The following RIMKLB variants were observed in gnomAD, a reference collection of about 807,000 sequenced individuals.
RIMKLB encodes the protein beta-citrylglutamate synthase B.
RIMKLB carries 7 observed loss-of-function variants against 32.0 expected under a neutral mutation model. That is an observed-to-expected ratio of 0.22 (90% CI 0.12 to 0.41). The LOEUF is 0.41. Among genes scored for constraint, RIMKLB ranks in the 10% least tolerant of loss-of-function variants. The pLI is 1.00. For missense variants in RIMKLB, 289 were observed against 498.7 expected, an observed-to-expected ratio of 0.58 and a Z score of 4.00; for synonymous variants, 172 against 185.1, an observed-to-expected ratio of 0.93 and a Z score of 0.57.
intron 5 of RIMKLB, among the ~76,000 whole-genome samples, chr12:8,768,255 C>T (rs1188996864): frequency 2.0e-5 from 3 of 152,208 alleles, no homozygotes; most frequent in Non-Finnish European, 4.4e-5. Flanking sequence ...ATGGGTGCCT[C>T]ACTGGATCAG....
intron 2 of RIMKLB, among the ~76,000 whole-genome samples, chr12:8,720,877 G>C (rs534256514): frequency 3.0e-4 from 46 of 152,172 alleles, no homozygotes; most frequent in Non-Finnish European, 5.1e-4. Flanking sequence ...GCTTGCCTAT[G>C]GCCTTGTAGC....
At chr12:8,707,924 T>G (rs759254698) in intron 1 of RIMKLB, among the ~76,000 whole-genome samples, 67 of 152,354 alleles carry the variant, frequency 4.4e-4, no homozygotes, top group South Asian at 8.3e-4. Context: ...GTCTTTAGTA[T>G]TATTATTTTT....
At chr12:8,736,298 A>G (rs1189588732) in intron 2 of RIMKLB, among the ~76,000 whole-genome samples, 1 of 152,192 alleles carries the variant, frequency 6.6e-6, no homozygotes, top group African/African-American at 2.4e-5. Flanking sequence ...TGAAAAGTCT[A>G]CTAGCTTTGT....
chr12:8,670,833 A>G, the RIMKLB span, among the ~76,000 whole-genome samples: 37 of 152,264 alleles, frequency 2.4e-4, no homozygotes, highest in Non-Finnish European at 3.2e-4. Flanking sequence ...TTGCTTGGGC[A>G]TCCAGGCATT....
the RIMKLB span, among the ~76,000 whole-genome samples, chr12:8,675,697 A>G: frequency 1.3e-5 from 2 of 152,142 alleles, no homozygotes; most frequent in Admixed American, 6.6e-5. Flanking sequence ...CAGGATTACA[A>G]CTTTTTTTAG....
At chr12:8,734,582 T>G (rs1946830430) in intron 2 of RIMKLB, among the ~76,000 whole-genome samples, 2 of 152,218 alleles carry the variant, frequency 1.3e-5, no homozygotes, top group South Asian at 4.1e-4. Flanking sequence ...ATATTTGGAC[T>G]GAATGTGAGT....
chr12:8,772,103 G>T (rs1950455276), intron 5 of RIMKLB, among the ~76,000 whole-genome samples: 1 of 152,134 alleles, frequency 6.6e-6, no homozygotes, highest in Non-Finnish European at 1.5e-5. Context: ...TGGCCAGGCT[G>T]GTCTTGAACT....
chr12:8,757,470 C>CAAAAAAAAAAAAAAAAAAAAA lies in RIMKLB; in HGVS notation c.697+3396_697+3397insAAAAAAAAAAAAAAAAAAAAA, dbSNP rs55670138. Reference sequence around the variant, plus strand: ...TAGGTGACACAGCAAGACCCTGTCTCAAAAAAAAAAAAAAAAAAAGTTGTT... The same window carrying CAAAAAAAAAAAAAAAAAAAAA: ...TAGGTGACACAGCAAGACCCTGTCTCAAAAAAAAAAAAAAAAAAAAAAAAAAAAAAAAAAAAAAAAGTTGTT... On this transcript the variant is annotated intron_variant, in intron 5 of 5. Transcript: ENST00000535829. Among the ~76,000 whole-genome samples, 95 of 71,388 alleles carry CAAAAAAAAAAAAAAAAAAAAA rather than the reference C, an allele frequency of 1.3e-3. 3 individuals carry two copies. The highest frequency in any genetic ancestry group is 4.4e-3 in the African/African-American group (90 of 20,226). The allele number at this position is 71,388 out of a possible 152,430, so 46.8% of individuals were successfully genotyped here.
chr12:8,779,332 A>G (rs1380512677), downstream of RIMKLB: 1 of 152,094 alleles, frequency 6.6e-6, no homozygotes, highest in Non-Finnish European at 1.5e-5. Flanking sequence ...GTTTGGGAAC[A>G]TGAGGGGTGG....
rs1950267665 is a variant in RIMKLB, at chr12:8,769,887, C to T, written c.698-3434C>T. Among the ~76,000 whole-genome samples the T allele has an allele frequency of 3.3e-5, 5 of 152,296 alleles. No homozygotes were observed. In the South Asian group the frequency reaches 1.0e-3, roughly 32 times the overall value. On this transcript the variant is annotated intron_variant, in intron 5 of 5. Transcript: ENST00000535829. ...AATATTAGAACAATTTTATTTCCTT[C>T]CTACTCTTTCCACTTGATTGACTCA...
intron 5 of RIMKLB, among the ~76,000 whole-genome samples, chr12:8,756,971 A>C (rs1949090065): frequency 6.6e-6 from 1 of 152,058 alleles, no homozygotes; most frequent in Admixed American, 6.6e-5. Context: ...GGTGTGAGCC[A>C]CCGTGCCCAG....
At chr12:8,773,061 T>C (rs113160328) in intron 5 of RIMKLB, among the ~76,000 whole-genome samples, 3 of 134,196 alleles carry the variant, frequency 2.2e-5, no homozygotes, top group South Asian at 2.1e-4. Context: ...AACTTCCTTA[T>C]ACTTGGTTTA....
intron 2 of RIMKLB, among the ~76,000 whole-genome samples, chr12:8,748,555 TGTGC>T (rs1192552440): frequency 4.9e-5 from 5 of 101,454 alleles, no homozygotes; most frequent in African/African-American, 1.8e-4. Context: ...TGTGTGTGTG[TGTGC>T]ATATATATAT....
rs148158080 is a variant in RIMKLB at position 8,765,071 on chromosome 12, T to A, written c.698-8250T>A. ...AAGGCACACTTCTGAAGTTTTTTTC[T>A]AATGTCTGCAGCTGACTGAGTGATA... On this transcript the variant is annotated intron_variant, in intron 5 of 5. Coordinates refer to ENST00000535829, the MANE Select transcript of RIMKLB (RefSeq NM_001297776.2). 6.6e-5 allele frequency among the ~76,000 whole-genome samples: 10 copies of A among 151,912 alleles called. No individual in the cohort carries two copies. In the East Asian group the frequency reaches 1.9e-3, roughly 29 times the overall value.
At chr12:8,726,622 T>C (rs918004407) in intron 2 of RIMKLB, among the ~76,000 whole-genome samples, 2 of 152,090 alleles carry the variant, frequency 1.3e-5, no homozygotes, top group Admixed American at 6.5e-5. Context: ...TTAATTCTTT[T>C]ATTTTTTACC....
intron 1 of RIMKLB, among the ~76,000 whole-genome samples, chr12:8,709,091 G>A (rs991477307): frequency 2.0e-5 from 3 of 152,152 alleles, no homozygotes; most frequent in Non-Finnish European, 4.4e-5. Flanking sequence ...CTGCGTTTAT[G>A]TTTCGCTACT....
chr12:8,713,891 T>C lies in RIMKLB; in HGVS notation c.25T>C (p.Leu9=). 2 of 1,614,008 alleles carry C rather than the reference T, an allele frequency of 1.2e-6. No homozygotes were observed. The highest frequency in any genetic ancestry group is 2.2e-5 in the South Asian group (2 of 91,074). The stretch of plus-strand genomic sequence containing the variant: ...GATGTGTAGTTCTGTGGCTGCCAAG[T>C]TGTGGTTTTTGACAGATCGTCGCAT... MCSSVAAK[L]WFLTDRRIRE... is the part of the protein sequence containing the mutation. Residue 9 remains leucine, a synonymous_variant, in exon 2 of 6, where the codon TTG becomes CTG. Transcript: ENST00000535829.
chr12:8,722,033 C>T (rs926218916), intron 2 of RIMKLB, among the ~76,000 whole-genome samples: 4 of 152,014 alleles, frequency 2.6e-5, no homozygotes, highest in African/African-American at 9.7e-5. Context: ...TGTGAGCCAC[C>T]GCGCCTGGCC....
At chr12:8,699,944 T>C (rs1943243217) in intron 1 of RIMKLB, 1 of 152,244 alleles carries the variant, frequency 6.6e-6, no homozygotes, top group Admixed American at 6.5e-5. Flanking sequence ...GAACTGAGCG[T>C]TTAATCTTTA....
Sources: allele counts gnomAD v4.1 joint callset (sites outside exome capture counted in the v4.1 genomes callset), GRCh38; gene constraint gnomAD v4.1.1; transcripts MANE v1.5; gene names NCBI Gene and HGNC (gene_info 2026-07-23, HGNC 2026-07-21).